RBFOX1: variants seen among roughly 807,000 people sequenced by gnomAD.
RBFOX1 encodes the protein RNA binding protein fox-1 homolog 1.
In RBFOX1, 8 loss-of-function variants were observed where a neutral mutation model predicts 57.7. The ratio of observed to expected loss-of-function variants is 0.14; its 90% CI spans 0.08 to 0.25. The LOEUF (loss-of-function observed/expected upper bound fraction) is 0.25, where lower values mean the gene tolerates loss of function less well. RBFOX1 is among the 10% of genes least tolerant of loss of function. The pLI is 1.00. For synonymous variants in RBFOX1, 326 were observed against 222.4 expected (o/e 1.47, Z -4.15); for missense variants, 611 against 548.5 (o/e 1.11, Z -1.14).
chr16:6,074,036 C>T (rs994737872), intron 1 of RBFOX1, among the ~76,000 whole-genome samples: 2 of 152,072 alleles, frequency 1.3e-5, no homozygotes, highest in African/African-American at 4.8e-5. Flanking sequence ...GCAAGCTCCA[C>T]CTCCTGGGTC....
chr16:7,000,595 TC>T (rs1379197376), intron 3 of RBFOX1, among the ~76,000 whole-genome samples: 57 of 89,952 alleles, frequency 6.3e-4, no homozygotes, highest in Admixed American at 1.8e-3. Context: ...TCTTTTTCTT[TC>T]TTTTTTTTTT....
chr16:6,618,231 A>C (rs901097094), intron 2 of RBFOX1, among the ~76,000 whole-genome samples: 6 of 152,182 alleles, frequency 3.9e-5, no homozygotes, highest in African/African-American at 1.4e-4. Flanking sequence ...ACTGATACTT[A>C]ACAGTTATTG....
At chr16:7,428,728 G>T (rs2098648601) in intron 4 of RBFOX1, among the ~76,000 whole-genome samples, 1 of 151,730 alleles carries the variant, frequency 6.6e-6, no homozygotes, top group Non-Finnish European at 1.5e-5. Flanking sequence ...GCTTACATTT[G>T]AGTGTTCACA....
intron 3 of RBFOX1, among the ~76,000 whole-genome samples, chr16:6,693,486 C>G (rs937975927): frequency 2.0e-5 from 3 of 151,620 alleles, no homozygotes; most frequent in African/African-American, 7.3e-5. Context: ...TCCTCCACTA[C>G]CATCACCACC....
chr16:7,533,263 A>G (rs1233033044), intron 5 of RBFOX1, among the ~76,000 whole-genome samples: 1 of 152,228 alleles, frequency 6.6e-6, no homozygotes, highest in Non-Finnish European at 1.5e-5. Context: ...TCTTTCCATC[A>G]AACTGGACTT....
chr16:6,404,063 A>T (rs1034349804), intron 2 of RBFOX1, among the ~76,000 whole-genome samples: 1 of 152,166 alleles, frequency 6.6e-6, no homozygotes, highest in Non-Finnish European at 1.5e-5. Context: ...CACCTAGCCT[A>T]TACAGCTGGC....
chr16:7,698,157 G>C (rs2079392180), intron 14 of RBFOX1, among the ~76,000 whole-genome samples: 1 of 149,866 alleles, frequency 6.7e-6, no homozygotes, highest in South Asian at 2.1e-4. Context: ...GGTTGAAACA[G>C]TTGTTTTAGA....
intron 1 of RBFOX1, among the ~76,000 whole-genome samples, chr16:6,179,868 G>C (rs1489114459): frequency 6.6e-6 from 1 of 152,218 alleles, no homozygotes; most frequent in East Asian, 1.9e-4. Context: ...GTATTTTGTA[G>C]ATGCCCTTTA....
At chr16:5,873,167 C>CA (rs754386378) in intron 4 of RBFOX1, among the ~76,000 whole-genome samples, 2 of 150,874 alleles carry the variant, frequency 1.3e-5, no homozygotes, top group African/African-American at 2.4e-5. Flanking sequence ...AAGAAACAAA[C>CA]AACAACAACA....
At chr16:5,669,849 G>T (rs1045806039) in intron 3 of RBFOX1, among the ~76,000 whole-genome samples, 3 of 152,142 alleles carry the variant, frequency 2.0e-5, no homozygotes, top group Non-Finnish European at 4.4e-5. Context: ...TCTTTTGTCA[G>T]GTATATGTAT....
chr16:7,456,061 G>C (rs1291443470), intron 4 of RBFOX1, among the ~76,000 whole-genome samples: 1 of 152,150 alleles, frequency 6.6e-6, no homozygotes, highest in Non-Finnish European at 1.5e-5. Flanking sequence ...CCCGCATGTG[G>C]TCTTATGCTA....
At chr16:6,925,153 A>T (rs560302348) in intron 3 of RBFOX1, among the ~76,000 whole-genome samples, 317 of 29,162 alleles carry the variant, frequency 0.011, 9 homozygotes, top group African/African-American at 0.042. Flanking sequence ...TTTTTTTTTG[A>T]GATGGAGTTT....
At chr16:6,265,945 G>T (rs2074432043) in intron 1 of RBFOX1, among the ~76,000 whole-genome samples, 1 of 152,124 alleles carries the variant, frequency 6.6e-6, no homozygotes, top group Non-Finnish European at 1.5e-5. Context: ...TCCTGGTATT[G>T]TGGGTCCATG....
At chr16:6,464,388 C>G (rs1440903634) in intron 2 of RBFOX1, among the ~76,000 whole-genome samples, 1 of 151,756 alleles carries the variant, frequency 6.6e-6, no homozygotes, top group African/African-American at 2.4e-5. Context: ...AAAATATTTT[C>G]AATTGGTTTG....
At chr16:6,868,175 G>C (rs1335817342) in intron 3 of RBFOX1, among the ~76,000 whole-genome samples, 1 of 151,672 alleles carries the variant, frequency 6.6e-6, no homozygotes, top group Non-Finnish European at 1.5e-5. Context: ...TTTTTTCATT[G>C]AAGTCTTTCA....
At chr16:6,815,095 T>A (rs1459308068) in intron 3 of RBFOX1, among the ~76,000 whole-genome samples, 1 of 152,144 alleles carries the variant, frequency 6.6e-6, no homozygotes, top group East Asian at 1.9e-4. Flanking sequence ...ACTGAGGGTT[T>A]CTCCCCATTT....
chr16:6,596,324 C>A (rs749546953), intron 2 of RBFOX1, among the ~76,000 whole-genome samples: 14 of 152,164 alleles, frequency 9.2e-5, no homozygotes, highest in Non-Finnish European at 1.8e-4. Flanking sequence ...TGTATCTTTG[C>A]ATATGGATAT....
intron 4 of RBFOX1, among the ~76,000 whole-genome samples, chr16:7,132,433 G>C (rs1338531028): frequency 6.9e-5 from 10 of 144,796 alleles, no homozygotes; most frequent in Non-Finnish European, 1.4e-4. Context: ...GTGATACACA[G>C]ACACACACAC....
rs145855249 is a variant in RBFOX1, at chr16:7,390,656, T to C, written c.28-127491T>C. On this transcript the variant is annotated intron_variant, in intron 4 of 15. Transcript: ENST00000550418. ...GATTGTGTGAGGGATGGTGAATTTA[T>C]AAATTTGGTGATTTTTGATGAAAAG... Among the ~76,000 whole-genome samples, 260 of 152,344 alleles carry C rather than the reference T, an allele frequency of 1.7e-3. 2 individuals are homozygous for C. Among genetic ancestry groups the C allele is most frequent in the Admixed American group, 0.013 (199 of 15,302 alleles).
Sources: allele counts gnomAD v4.1 joint callset (sites outside exome capture counted in the v4.1 genomes callset), GRCh38; gene constraint gnomAD v4.1.1; transcripts MANE v1.5; gene names NCBI Gene and HGNC (gene_info 2026-07-23, HGNC 2026-07-21).